The following ZFPM1 variants were observed in gnomAD, a reference collection of about 807,000 sequenced individuals.
The protein encoded by ZFPM1 is zinc finger protein, FOG family member 1, also known as zinc finger protein ZFPM1.
A neutral mutation model predicts 46.3 loss-of-function variants in ZFPM1; 28 were observed. The observed-to-expected ratio is 0.60, with a 90% CI of 0.45 to 0.83. The LOEUF is 0.83. Ranked by LOEUF, ZFPM1 falls within the 40% of genes least tolerant of loss-of-function variation. The pLI, the probability that ZFPM1 is intolerant of heterozygous loss-of-function variation, is 0.00. For synonymous variants in ZFPM1, 957 were observed against 675.9 expected, an observed-to-expected ratio of 1.42 and a Z score of -6.45; for missense variants, 1,878 against 1,432.4, an observed-to-expected ratio of 1.31 and a Z score of -5.02.
In ZFPM1 at chr16:88,469,971, C is replaced by A. The variant is rs1908339518; in HGVS notation, c.41-15968C>A. On this transcript the variant is annotated intron_variant, in intron 1 of 9. Transcript: ENST00000319555. The surrounding 1 kb of genome is among the most constrained non-coding windows in gnomAD (Gnocchi z 4.3). ...GGGGTCTCCACACATGCAGGCAGCT[C>A]TGTCCTCTCCCAGGACAGCTTGGGG... is the stretch of plus-strand genomic sequence containing the variant. Among the ~76,000 whole-genome samples the A allele has an allele frequency of 6.6e-6, 1 of 152,148 alleles. No individual in the cohort carries two copies. The highest frequency in any genetic ancestry group is 1.5e-5 in the Non-Finnish European group (1 of 68,014).
Position 88,534,521 on chromosome 16 carries a change from G to GCCTGCCCCTACTGCCC in ZFPM1, c.2566_2581dup (p.Pro861LeufsTer221). On this transcript the variant is annotated frameshift_variant, in exon 10 of 10. Coordinates refer to ENST00000319555, the MANE Select transcript of ZFPM1 (RefSeq NM_153813.3). LOFTEE classifies it low-confidence loss of function (END_TRUNC). ...CGGCGCGCTCGGCCTGCCCGCCGCC[G>GCCTGCCCCTACTGCCC]CCTGCCCCTACTGCCCCCCGAACGG... 1 of 1,435,236 alleles carries GCCTGCCCCTACTGCCC rather than the reference G, an allele frequency of 7.0e-7. No homozygotes were observed. The highest frequency in any genetic ancestry group is 9.1e-7 in the Non-Finnish European group (1 of 1,096,930). 88.9% of individuals were successfully genotyped at this position (1,435,236 alleles called of 1,614,324 possible).
At position 88,534,214 on chromosome 16, in the gene ZFPM1, C is replaced by G. The variant is rs1913073055; in HGVS notation, c.2256C>G (p.Ala752=). 1 of 983,012 alleles carries G rather than the reference C, an allele frequency of 1.0e-6. No homozygotes were observed. The highest frequency in any genetic ancestry group is 1.8e-5 in the African/African-American group (1 of 56,352). The allele number at this position is 983,012 out of a possible 1,614,324, so 60.9% of individuals were successfully genotyped here. A position where few individuals can be genotyped will look rare whatever the true frequency, so the allele number is the denominator to read the frequency against. The change falls in exon 10 of 10, where the codon GCC becomes GCG. Residue 752 remains alanine, a synonymous_variant. Coordinates refer to ENST00000319555, the MANE Select transcript of ZFPM1 (RefSeq NM_153813.3). The part of the protein sequence containing the change: ...RRRKLYELHA[A]GAPPPPPPGH... ...GCAAGCTCTACGAGCTGCACGCGGCCGGCGCCCCGCCCCCCCCGCCGCCCG... is the reference window on the plus strand; with the variant it reads ...GCAAGCTCTACGAGCTGCACGCGGCGGGCGCCCCGCCCCCCCCGCCGCCCG...
At chr16:88,465,777 C>T (rs970734135) in intron 1 of ZFPM1, among the ~76,000 whole-genome samples, 9 of 152,226 alleles carry the variant, frequency 5.9e-5, no homozygotes, top group South Asian at 2.1e-4. Context: ...GGTGCCATCG[C>T]GGCGTCTGTC....
At chr16:88,530,503 T>C (rs1006254756) in intron 6 of ZFPM1, 4 of 152,212 alleles carry the variant, frequency 2.6e-5, no homozygotes, top group Non-Finnish European at 5.9e-5. Context: ...TCTGCTGCTC[T>C]GGAAGAGCCG....
chr16:88,523,751 C>T (rs771867157), intron 4 of ZFPM1, among the ~76,000 whole-genome samples: 28 of 152,150 alleles, frequency 1.8e-4, no homozygotes, highest in Non-Finnish European at 2.5e-4. Flanking sequence ...GCAGGGTGGC[C>T]GGAGCTGCTT....
At position 88,533,724 on chromosome 16, in the gene ZFPM1, T is replaced by G; in HGVS notation, c.1766T>G (p.Val589Gly). 6.8e-7 allele frequency: 1 copy of G among 1,471,216 alleles called. No individual in the cohort carries two copies. The highest frequency in any genetic ancestry group is 9.1e-7 in the Non-Finnish European group (1 of 1,100,764). The allele number at this position is 1,471,216 out of a possible 1,614,324, so 91.1% of individuals were successfully genotyped here. The change falls in exon 10 of 10, where the codon GTC becomes GGC. Residue 589 changes from valine (V) to glycine (G), a missense_variant. Val to Gly is a moderately radical substitution (Grantham distance 109). Transcript: ENST00000319555. ...GAGTGCGAGATCACCTTCAGCAACG[T>G]CAACAACTACTACGTGCACAAGCGC... is the stretch of plus-strand genomic sequence containing the variant. ...CFECEITFSN[V>G]NNYYVHKRLY...
rs1909413609 is a variant in ZFPM1, at chr16:88,489,159, C to G, written c.268+6C>G. 1.3e-6 allele frequency: 2 copies of G among 1,592,286 alleles called. No individual in the cohort carries two copies. The highest frequency in any genetic ancestry group is 1.7e-6 in the Non-Finnish European group (2 of 1,170,014). Reference sequence around the variant, plus strand: ...CAGTCCCTGGAGCGGGCCAGGTAACCACGCGGGTGGTGGGGGCAGCAGCAT... The same window carrying G: ...CAGTCCCTGGAGCGGGCCAGGTAACGACGCGGGTGGTGGGGGCAGCAGCAT... On this transcript the variant is annotated splice_donor_region_variant and intron_variant, in intron 3 of 9. Transcript: ENST00000319555.
At chr16:88,502,064 C>CATTTAT (rs139067439) in intron 3 of ZFPM1, among the ~76,000 whole-genome samples, 1 of 127,386 alleles carries the variant, frequency 7.9e-6, no homozygotes, top group African/African-American at 2.9e-5. Context: ...CCGCCCCCCC[C>CATTTAT]CATTTATTTA....
chr16:88,525,935 C>A (rs1355198354), intron 4 of ZFPM1, among the ~76,000 whole-genome samples: 1 of 152,256 alleles, frequency 6.6e-6, no homozygotes, highest in Non-Finnish European at 1.5e-5. Flanking sequence ...TGAGCCACCG[C>A]CGACAGCATG....
rs774142371 is a variant in ZFPM1 at position 88,534,922 on chromosome 16, C to T, written c.2964C>T (p.Thr988=). The change falls in exon 10 of 10, where the codon ACC becomes ACT. Residue 988 remains threonine (T), a synonymous_variant. Coordinates refer to ENST00000319555, the MANE Select transcript of ZFPM1 (RefSeq NM_153813.3). ...ACATCAAGTTCAGCAGCCTGTCCAC[C>T]TTCATCGCCCACAAGAAGTATTACT... ...LCNIKFSSLS[T]FIAHKKYYCS... 2.6e-6 allele frequency: 4 copies of T among 1,551,264 alleles called. No homozygotes were observed. The highest frequency in any genetic ancestry group is 3.5e-6 in the Non-Finnish European group (4 of 1,150,540).
chr16:88,455,207 G>A (rs1484700992), intron 1 of ZFPM1, among the ~76,000 whole-genome samples: 3 of 149,482 alleles, frequency 2.0e-5, no homozygotes, highest in Non-Finnish European at 4.5e-5. Context: ...CAGATAGCTC[G>A]GACAGGGAGA....
rs1409551371 is a variant in ZFPM1 at position 88,534,053 on chromosome 16, A to G, written c.2095A>G (p.Thr699Ala). The change falls in exon 10 of 10, where the codon ACC (threonine) becomes GCC (alanine). Residue 699 changes from threonine to alanine, a missense_variant. Thr to Ala is a moderately conservative substitution (Grantham distance 58). Transcript: ENST00000319555. ...CCGCTTCAGCCGCCACGAGACCTAC[A>G]CCGTGCACAAGCGGTACTACTGCGC... ...NIRFSRHETY[T>A]VHKRYYCASR... is the part of the protein sequence containing the mutation. 7.7e-7 allele frequency: 1 copy of G among 1,297,810 alleles called. No individual in the cohort carries two copies. The highest frequency in any genetic ancestry group is 5.4e-5 in the East Asian group (1 of 18,466). The allele number at this position is 1,297,810 out of a possible 1,614,324, so 80.4% of individuals were successfully genotyped here.
chr16:88,466,728 A>C (rs568855392), intron 1 of ZFPM1, among the ~76,000 whole-genome samples: 1 of 152,126 alleles, frequency 6.6e-6, no homozygotes, highest in African/African-American at 2.4e-5. Context: ...TCAATATTCT[A>C]AAAGGAAGTC....
At chr16:88,459,725 TCCTCC>T in intron 1 of ZFPM1, among the ~76,000 whole-genome samples, 2 of 29,456 alleles carry the variant, frequency 6.8e-5, no homozygotes, top group Non-Finnish European at 6.3e-5. Context: ...TTCCCCTTCC[TCCTCC>T]CCCTCTTCCT....
intron 3 of ZFPM1, among the ~76,000 whole-genome samples, chr16:88,495,074 G>A (rs1049349037): frequency 3.3e-5 from 5 of 152,204 alleles, no homozygotes; most frequent in African/African-American, 1.2e-4. Context: ...CCGTCCCATC[G>A]TGGGATGTGG....
chr16:88,525,519 T>C (rs913338431), intron 4 of ZFPM1, among the ~76,000 whole-genome samples: 1 of 152,206 alleles, frequency 6.6e-6, no homozygotes, highest in African/African-American at 2.4e-5. Flanking sequence ...GAACAAAAAG[T>C]GTGTTTACAG....
At position 88,502,063 on chromosome 16, in the gene ZFPM1, CCCATTTATTTATTT is replaced by C. The variant is rs1910382108; in HGVS notation, c.269-12323_269-12310del. On this transcript the variant is annotated intron_variant, in intron 3 of 9. Transcript: ENST00000319555. ...CCCGACGCGGCTCCACCCGCCCCCC[CCCATTTATTTATTT>C]ATTTATTTATTTATTTATTTATTTA... Among the ~76,000 whole-genome samples the C allele has an allele frequency of 1.5e-4, 19 of 127,990 alleles. No homozygotes were observed. The Admixed American group carries it at 1.6e-3, about 11-fold the overall frequency. 84.0% of individuals were successfully genotyped at this position (127,990 alleles called of 152,430 possible). A position where few individuals can be genotyped will look rare whatever the true frequency, so the allele number is the denominator to read the frequency against.
chr16:88,487,842 C>G (rs962451393), intron 2 of ZFPM1, among the ~76,000 whole-genome samples: 1 of 152,218 alleles, frequency 6.6e-6, no homozygotes, highest in African/African-American at 2.4e-5. Context: ...CCCTAGCTCA[C>G]CCAGGGACAT....
intron 3 of ZFPM1, among the ~76,000 whole-genome samples, chr16:88,509,749 G>C (rs1470064763): frequency 6.6e-6 from 1 of 152,214 alleles, no homozygotes; most frequent in Middle Eastern, 3.2e-3. Context: ...CTCTGTCAGA[G>C]AGCAGCTTCA....
Sources: allele counts gnomAD v4.1 joint callset (sites outside exome capture counted in the v4.1 genomes callset), GRCh38; gene constraint gnomAD v4.1.1; non-coding constraint Gnocchi (gnomAD v3.1); transcripts MANE v1.5; gene names NCBI Gene and HGNC (gene_info 2026-07-23, HGNC 2026-07-21).